Variants in CHST8 observed in about 807,000 individuals in gnomAD.
The protein encoded by CHST8 is carbohydrate sulfotransferase 8.
CHST8 carries 10 observed loss-of-function variants against 15.0 expected under a neutral mutation model. The ratio of observed to expected loss-of-function variants is 0.67; its 90% CI spans 0.41 to 1.13. The LOEUF (loss-of-function observed/expected upper bound fraction) is 1.13, where lower values mean the gene tolerates loss of function less well. Among genes scored for constraint, CHST8 ranks in the 50% most tolerant of loss-of-function variants. The pLI, the probability that CHST8 is intolerant of heterozygous loss-of-function variation, is 0.00. For missense variants in CHST8, 634 were observed against 608.2 expected (o/e 1.04, Z -0.45); for synonymous variants, 259 against 256.6 (o/e 1.01, Z -0.09).
At chr19:33,770,111 G>A (rs950548869) in intron 3 of CHST8, among the ~76,000 whole-genome samples, 7 of 152,216 alleles carry the variant, frequency 4.6e-5, no homozygotes, top group African/African-American at 1.7e-4. Flanking sequence ...CAGTGGCTGA[G>A]TCTGTAAAAC....
intron 1 of CHST8, among the ~76,000 whole-genome samples, chr19:33,627,440 G>C (rs564511126): frequency 1.3e-5 from 2 of 152,050 alleles, no homozygotes; most frequent in Admixed American, 6.5e-5. Context: ...CCTAGCCTTA[G>C]GGATTCCTTT....
At chr19:33,687,581 C>A (rs571550277) in intron 2 of CHST8, among the ~76,000 whole-genome samples, 1 of 152,170 alleles carries the variant, frequency 6.6e-6, no homozygotes, top group East Asian at 1.9e-4. Flanking sequence ...CCAGATAGCC[C>A]AGCGTCAGGT....
chr19:33,771,600 G>A, intron 4 of CHST8, 150 bp downstream of exon 4: 3 of 823,226 alleles, frequency 3.6e-6, no homozygotes, highest in Admixed American at 2.2e-5. Flanking sequence ...ACAAAGCCCA[G>A]GGCTCTGGAC....
rs111493937 is a variant in CHST8 at position 33,700,173 on chromosome 19, G to A, written c.130+10782G>A. On this transcript the variant is annotated intron_variant, in intron 3 of 4. Coordinates refer to ENST00000650847, the MANE Select transcript of CHST8 (RefSeq NM_001127895.2). ...TTCCCCGGGCAGGTGGGTTTTATTG[G>A]AACCCTCTTGCGTCTGTTTCCTGAA... Among the ~76,000 whole-genome samples, 9 of 152,312 alleles carry A rather than the reference G, an allele frequency of 5.9e-5. 2 individuals are homozygous for A. Among genetic ancestry groups the A allele is most frequent in the African/African-American group, 2.2e-4 (9 of 41,568 alleles).
intron 1 of CHST8, among the ~76,000 whole-genome samples, chr19:33,634,116 G>A (rs1164314242): frequency 6.6e-6 from 1 of 152,076 alleles, no homozygotes; most frequent in Admixed American, 6.6e-5. Flanking sequence ...CACCACTCCC[G>A]ACTCCATTGC....
intron 3 of CHST8, among the ~76,000 whole-genome samples, chr19:33,769,849 G>A (rs1030497793): frequency 3.9e-5 from 6 of 152,180 alleles, no homozygotes; most frequent in Admixed American, 3.9e-4. Context: ...CAGGAAGATG[G>A]GGACACTCTG....
intron 1 of CHST8, among the ~76,000 whole-genome samples, chr19:33,632,003 G>GT (rs985072439): frequency 1.3e-5 from 2 of 152,140 alleles, no homozygotes; most frequent in Non-Finnish European, 2.9e-5. Flanking sequence ...TACTACTCCC[G>GT]TTTTATCTTG....
At chr19:33,760,776 C>G (rs2145377986) in intron 3 of CHST8, among the ~76,000 whole-genome samples, 1 of 152,282 alleles carries the variant, frequency 6.6e-6, no homozygotes, top group African/African-American at 2.4e-5. Flanking sequence ...ACCTGCAACA[C>G]TGAGCTAGCT....
chr19:33,772,642 A>T lies in CHST8; in HGVS notation c.854A>T (p.Lys285Met). Reference protein sequence around the residue: ...PNSYYHPVFGKAILARYRANA... With the variant: ...PNSYYHPVFGMAILARYRANA... ...AGCTACTATCACCCGGTCTTCGGCA[A>T]GGCCATCCTGGCCCGGTACCGCGCC... Residue 285 changes from lysine (K) to methionine (M), a missense_variant, in exon 5 of 5, where the codon AAG (lysine) becomes ATG (methionine). By Grantham distance (95) the Lys-to-Met change is moderately conservative. Transcript: ENST00000650847. 1 of 1,613,950 alleles carries T rather than the reference A, an allele frequency of 6.2e-7. No individual in the cohort carries two copies. Among genetic ancestry groups the T allele is most frequent in the Non-Finnish European group, 8.5e-7 (1 of 1,180,018 alleles).
chr19:33,711,742 G>A (rs112953431), intron 3 of CHST8, among the ~76,000 whole-genome samples: 1,698 of 152,114 alleles, frequency 0.011, 27 homozygotes, highest in African/African-American at 0.039. Context: ...AGCAATTATC[G>A]TGCCTCAGCC....
chr19:33,644,959 CA>C (rs756516940), intron 1 of CHST8, among the ~76,000 whole-genome samples: 60 of 152,230 alleles, frequency 3.9e-4, no homozygotes, highest in Non-Finnish European at 7.9e-4. Flanking sequence ...ATTGTATTCC[CA>C]GGGGAATTTG....
intron 1 of CHST8, among the ~76,000 whole-genome samples, chr19:33,628,429 C>T (rs1044635115): frequency 2.0e-5 from 3 of 152,174 alleles, no homozygotes; most frequent in Non-Finnish European, 4.4e-5. Context: ...GCAGAAAGAC[C>T]ACTGTGGCCT....
chr19:33,701,306 A>T (rs1447608840), intron 3 of CHST8, among the ~76,000 whole-genome samples: 1 of 152,184 alleles, frequency 6.6e-6, no homozygotes, highest in Non-Finnish European at 1.5e-5. Context: ...CTCTTCCTGC[A>T]GAAGACACCC....
chr19:33,645,375 G>C (rs556215111), intron 1 of CHST8, among the ~76,000 whole-genome samples: 2 of 152,194 alleles, frequency 1.3e-5, no homozygotes, highest in Non-Finnish European at 2.9e-5. Context: ...TTTAAAACAG[G>C]TTCCCTGTTG....
At chr19:33,730,409 TA>T (rs1481464061) in intron 3 of CHST8, among the ~76,000 whole-genome samples, 1 of 152,216 alleles carries the variant, frequency 6.6e-6, no homozygotes, top group Non-Finnish European at 1.5e-5. Flanking sequence ...GGCGACATTG[TA>T]AGAATTAAAT....
At chr19:33,746,209 C>G (rs1399963643) in intron 3 of CHST8, among the ~76,000 whole-genome samples, 1 of 152,252 alleles carries the variant, frequency 6.6e-6, no homozygotes, top group South Asian at 2.1e-4. Flanking sequence ...ATGTTCACAT[C>G]GTTTTTTATC....
chr19:33,743,327 A>AGTCTCGC (rs1379766697), intron 3 of CHST8, among the ~76,000 whole-genome samples: 1 of 103,718 alleles, frequency 9.6e-6, no homozygotes, highest in Non-Finnish European at 1.8e-5. Context: ...TTTGAGACGG[A>AGTCTCGC]GTCTCGCTGT....
At chr19:33,753,141 G>A (rs1310127558) in intron 3 of CHST8, among the ~76,000 whole-genome samples, 1 of 151,988 alleles carries the variant, frequency 6.6e-6, no homozygotes, top group African/African-American at 2.4e-5. Context: ...ACAGGTCAGG[G>A]AGGTCACTCT....
At chr19:33,698,264 G>A (rs537721960) in intron 3 of CHST8, among the ~76,000 whole-genome samples, 99 of 152,022 alleles carry the variant, frequency 6.5e-4, no homozygotes, top group African/African-American at 2.2e-3. Flanking sequence ...AGCTGAGATC[G>A]CGCCAACTAC....
Sources: gnomAD v4.1 joint callset for allele counts (sites outside exome capture counted in the v4.1 genomes callset) on GRCh38, gnomAD v4.1.1 for gene constraint, MANE v1.5 for transcripts, NCBI Gene and HGNC (gene_info 2026-07-23, HGNC 2026-07-21) for gene names.